The following LYPLA1 variants were observed in gnomAD, a reference collection of about 807,000 sequenced individuals.
The protein encoded by LYPLA1 is lysophospholipase 1, also known as acyl-protein thioesterase 1.
A neutral mutation model predicts 34.0 loss-of-function variants in LYPLA1; 17 were observed. The ratio of observed to expected loss-of-function variants is 0.50; its 90% CI spans 0.34 to 0.75. LYPLA1 has a LOEUF of 0.75. Ranked by LOEUF, LYPLA1 falls within the 30% of genes least tolerant of loss-of-function variation. The pLI is 0.01. For synonymous variants in LYPLA1, 98 were observed against 100.8 expected (o/e 0.97, Z 0.17); for missense variants, 203 against 288.8 (o/e 0.70, Z 2.15).
At chr8:54,091,440 T>C (rs1244049763) in intron 2 of LYPLA1, among the ~76,000 whole-genome samples, 1 of 148,776 alleles carries the variant, frequency 6.7e-6, no homozygotes, top group Non-Finnish European at 1.5e-5. Context: ...TGAGCCGAGA[T>C]CACGCCACTG....
chr8:54,085,378 C>T, intron 2 of LYPLA1, among the ~76,000 whole-genome samples: 1 of 152,244 alleles, frequency 6.6e-6, no homozygotes, highest in East Asian at 1.9e-4. Context: ...TCCCAAAGTG[C>T]CGAGATTGCA....
At position 54,063,392 on chromosome 8, in the gene LYPLA1, A is replaced by G. The variant is rs1563588862; in HGVS notation, c.168-17T>C. 8.0e-6 allele frequency: 12 copies of G among 1,503,516 alleles called. No homozygotes were observed. The highest frequency in any genetic ancestry group is 1.1e-5 in the Non-Finnish European group (12 of 1,113,378). 93.1% of individuals were successfully genotyped at this position (1,503,516 alleles called of 1,614,324 possible). A position where few individuals can be genotyped will look rare whatever the true frequency, so the allele number is the denominator to read the frequency against. ...CTAACAGGCCTACATGGAAAAGAAA[A>G]AACAACAAAATCAGAATAACAAAGC... is the stretch of plus-strand genomic sequence containing the variant. On this transcript the variant is annotated splice_polypyrimidine_tract_variant and intron_variant, in intron 3 of 8. Transcript: ENST00000316963.
intron 2 of LYPLA1, among the ~76,000 whole-genome samples, chr8:54,099,599 T>C (rs900929537): frequency 3.9e-5 from 6 of 152,098 alleles, no homozygotes; most frequent in South Asian, 2.1e-4. Flanking sequence ...AAGGTGGAGG[T>C]TGCAGTGAGT....
chr8:54,050,924 C>A, intron 8 of LYPLA1, 88 bp downstream of exon 8: 1 of 1,334,962 alleles, frequency 7.5e-7, no homozygotes. Flanking sequence ...TCATTTAAAT[C>A]CCCAAGCATT....
At chr8:54,056,729 G>A (rs1295350700) in intron 5 of LYPLA1, among the ~76,000 whole-genome samples, 11 of 152,112 alleles carry the variant, frequency 7.2e-5, no homozygotes, top group South Asian at 2.1e-4. Context: ...CCTGCCCAAC[G>A]TGGTGAAACC....
intron 8 of LYPLA1, 85 bp from the exon 9 acceptor site, chr8:54,048,203 A>T: frequency 1.3e-6 from 1 of 799,594 alleles, no homozygotes; most frequent in Non-Finnish European, 2.2e-6. Context: ...AATCAAATCT[A>T]TGGTATGCAT....
intron 2 of LYPLA1, among the ~76,000 whole-genome samples, chr8:54,080,426 C>T (rs1203359561): frequency 2.0e-5 from 3 of 152,136 alleles, no homozygotes; most frequent in Non-Finnish European, 4.4e-5. Context: ...CAATTATGTT[C>T]CTCAAAACAT....
At chr8:54,073,177 G>A in intron 2 of LYPLA1, 1 of 754,804 alleles carries the variant, frequency 1.3e-6, no homozygotes. Context: ...GGAGGAGCCT[G>A]CAATTCATCC....
intron 2 of LYPLA1, among the ~76,000 whole-genome samples, chr8:54,091,154 GC>G (rs1238125945): frequency 2.0e-5 from 3 of 152,100 alleles, no homozygotes; most frequent in African/African-American, 7.2e-5. Context: ...ACAGGTGTGA[GC>G]CACCATGCCT....
At chr8:54,072,702 G>A (rs922862226) in intron 2 of LYPLA1, among the ~76,000 whole-genome samples, 13 of 152,016 alleles carry the variant, frequency 8.6e-5, no homozygotes, top group Admixed American at 2.6e-4. Flanking sequence ...CAGGCTGGGC[G>A]TGGTCGTGGC....
Position 54,101,750 on chromosome 8 carries a change from C to A in LYPLA1, c.69+5G>T. 1 of 1,301,164 alleles carries A rather than the reference C, an allele frequency of 7.7e-7. No individual in the cohort carries two copies. Among genetic ancestry groups the A allele is most frequent in the Non-Finnish European group, 9.8e-7 (1 of 1,015,690 alleles). 80.6% of individuals were successfully genotyped at this position (1,301,164 alleles called of 1,614,324 possible). On this transcript the variant is annotated splice_donor_5th_base_variant and intron_variant, in intron 1 of 8. Transcript: ENST00000316963. ...CCCCTCCGAGCCCACGCCTACGCCA[C>A]TCACCGCAGCGGTGGCCTTCCGGGC...
downstream of LYPLA1, among the ~76,000 whole-genome samples, chr8:54,046,184 G>C (rs538018798): frequency 6.6e-6 from 1 of 152,036 alleles, no homozygotes; most frequent in South Asian, 2.1e-4. Flanking sequence ...TTTTTTTTTA[G>C]CCAATTAAAA....
rs555052196 is a variant in LYPLA1 at position 54,052,967 on chromosome 8, G to A, written c.361-211C>T. The A allele has an allele frequency of 4.3e-5, 21 of 484,754 alleles. No homozygotes were observed. In the East Asian group the frequency reaches 4.6e-4, roughly 11 times the overall value. The allele number at this position is 484,754 out of a possible 1,614,324, so 30.0% of individuals were successfully genotyped here. A position where few individuals can be genotyped will look rare whatever the true frequency, so the allele number is the denominator to read the frequency against. ...CAGAGAACATACAGACTTCCTTTCC[G>A]ACGAGACATAGTTTGTACCATGGGA... On this transcript the variant is annotated intron_variant, in intron 6 of 8. Transcript: ENST00000316963.
At chr8:54,061,890 T>A (rs932326407) in intron 5 of LYPLA1, among the ~76,000 whole-genome samples, 3 of 152,180 alleles carry the variant, frequency 2.0e-5, no homozygotes, top group Non-Finnish European at 4.4e-5. Flanking sequence ...AGTTTTGCTC[T>A]GGTTGCCCAG....
At chr8:54,057,932 C>A (rs1168151726) in intron 5 of LYPLA1, among the ~76,000 whole-genome samples, 2 of 151,906 alleles carry the variant, frequency 1.3e-5, no homozygotes, top group Non-Finnish European at 2.9e-5. Context: ...ATATGTACAC[C>A]TATGTACTCA....
intron 5 of LYPLA1, among the ~76,000 whole-genome samples, chr8:54,056,926 C>CA (rs1259921244): frequency 1.8e-4 from 27 of 151,290 alleles, no homozygotes; most frequent in Admixed American, 2.6e-4. Context: ...CAAACAAGAA[C>CA]AAAAAAAACG....
intron 4 of LYPLA1, among the ~76,000 whole-genome samples, chr8:54,062,939 A>C (rs1806768459): frequency 6.6e-6 from 1 of 152,164 alleles, no homozygotes; most frequent in South Asian, 2.1e-4. Flanking sequence ...GTGCAGAGGG[A>C]ATGTGAGGAT....
intron 2 of LYPLA1, among the ~76,000 whole-genome samples, chr8:54,098,524 C>G (rs1311703621): frequency 6.6e-6 from 1 of 151,962 alleles, no homozygotes; most frequent in Non-Finnish European, 1.5e-5. Context: ...ACTAAAAATA[C>G]AAAAAAATTA....
intron 2 of LYPLA1, among the ~76,000 whole-genome samples, chr8:54,099,613 G>C (rs1248888481): frequency 1.3e-5 from 2 of 152,130 alleles, no homozygotes; most frequent in African/African-American, 4.8e-5. Flanking sequence ...AGTGAGTCAA[G>C]ATCACGCCAC....
Sources: gnomAD v4.1 joint callset for allele counts (sites outside exome capture counted in the v4.1 genomes callset) on GRCh38, gnomAD v4.1.1 for gene constraint, MANE v1.5 for transcripts, NCBI Gene and HGNC (gene_info 2026-07-23, HGNC 2026-07-21) for gene names.